The following CHODL variants were observed in gnomAD, a reference collection of about 807,000 sequenced individuals.
CHODL encodes chondrolectin.
A neutral mutation model predicts 34.5 loss-of-function variants in CHODL; 29 were observed. The observed-to-expected ratio is 0.84, with a 90% CI of 0.63 to 1.15. The LOEUF (loss-of-function observed/expected upper bound fraction) is 1.15, where lower values mean the gene tolerates loss of function less well. CHODL is among the 50% of genes most tolerant of loss of function. The pLI is 0.00. For synonymous variants in CHODL, 125 were observed against 116.1 expected (o/e 1.08, Z -0.49); for missense variants, 332 against 332.5 (o/e 1.00, Z 0.01).
At chr21:18,185,348 G>A (rs1020217102) in intron 2 of CHODL, among the ~76,000 whole-genome samples, 3 of 152,102 alleles carry the variant, frequency 2.0e-5, no homozygotes, top group Admixed American at 6.5e-5. Flanking sequence ...AAAAGGACAT[G>A]AACTCATTCT....
chr21:18,186,172 A>C (rs899739316), intron 2 of CHODL, among the ~76,000 whole-genome samples: 9 of 152,078 alleles, frequency 5.9e-5, no homozygotes, highest in African/African-American at 2.2e-4. Context: ...GACCCTACCG[A>C]CTGCAGAGGT....
chr21:18,260,807 G>C (rs2074370539), intron 4 of CHODL, among the ~76,000 whole-genome samples: 1 of 151,086 alleles, frequency 6.6e-6, no homozygotes, highest in Non-Finnish European at 1.5e-5. Flanking sequence ...GTGAGACCCT[G>C]TCTCAAAAAA....
At chr21:18,091,173 G>A (rs1345110844) in intron 2 of CHODL, among the ~76,000 whole-genome samples, 1 of 152,204 alleles carries the variant, frequency 6.6e-6, no homozygotes, top group Non-Finnish European at 1.5e-5. Flanking sequence ...CTAGCTAGAG[G>A]TAATTGCCCA....
At chr21:18,201,274 A>C (rs1387497038) in intron 2 of CHODL, among the ~76,000 whole-genome samples, 1 of 152,118 alleles carries the variant, frequency 6.6e-6, no homozygotes, top group Admixed American at 6.5e-5. Flanking sequence ...ATTGCCTAAA[A>C]ATTTTAGGGC....
intron 2 of CHODL, among the ~76,000 whole-genome samples, chr21:18,182,610 T>C (rs1264547502): frequency 1.3e-5 from 2 of 152,218 alleles, no homozygotes; most frequent in Non-Finnish European, 2.9e-5. Context: ...TTATGTCCCA[T>C]AGTTTAATAA....
chr21:17,959,135 C>T lies in CHODL; in HGVS notation c.-145+41735C>T, dbSNP rs114280893. ...GTACATAGTTCACAAAAAGTGGCCA[C>T]CAAGATGAACTATGTGCTACAAAAT... On this transcript the variant is annotated intron_variant, in intron 1 of 6. Transcript: ENST00000400127. Among the ~76,000 whole-genome samples, 420 of 152,194 alleles carry T rather than the reference C, an allele frequency of 2.8e-3. 3 individuals carry two copies. The highest frequency in any genetic ancestry group is 9.4e-3 in the African/African-American group (389 of 41,536).
intron 1 of CHODL, among the ~76,000 whole-genome samples, chr21:17,987,782 C>T (rs1395091470): frequency 2.0e-5 from 3 of 152,118 alleles, no homozygotes; most frequent in African/African-American, 7.2e-5. Context: ...AATATAACAT[C>T]ATTATATTTC....
chr21:18,188,889 T>C (rs2073477132), intron 2 of CHODL, among the ~76,000 whole-genome samples: 1 of 152,186 alleles, frequency 6.6e-6, no homozygotes, highest in African/African-American at 2.4e-5. Flanking sequence ...GATTACATAA[T>C]TGTTTTGAGA....
intron 2 of CHODL, among the ~76,000 whole-genome samples, chr21:18,038,501 G>A (rs532075349): frequency 2.6e-4 from 40 of 151,800 alleles, no homozygotes; most frequent in Middle Eastern, 3.4e-3. Flanking sequence ...AGTTAAAGTC[G>A]TTTCTGAGAT....
chr21:18,261,361 A>T (rs56030723), intron 4 of CHODL, among the ~76,000 whole-genome samples: 3,655 of 88,274 alleles, frequency 0.041, 153 homozygotes, highest in African/African-American at 0.2. Context: ...AAAGTATGAT[A>T]AAAAAAAAAA....
In CHODL at chr21:18,185,993, G is replaced by A. The variant is rs561992324; in HGVS notation, c.-44-70516G>A. On this transcript the variant is annotated intron_variant, in intron 2 of 6. Coordinates refer to the CHODL transcript ENST00000400127. ...TAGGTTTTAACATATGAATTTTGAGGGTGAGGAGGACAAGCACATTCAGAC... is the reference window on the plus strand; with the variant it reads ...TAGGTTTTAACATATGAATTTTGAGAGTGAGGAGGACAAGCACATTCAGAC... Among the ~76,000 whole-genome samples the A allele has an allele frequency of 2.7e-4, 41 of 152,192 alleles. No homozygotes were observed. The South Asian group carries it at 8.3e-3, about 31-fold the overall frequency.
intron 2 of CHODL, among the ~76,000 whole-genome samples, chr21:18,119,508 G>T (rs1210914353): frequency 6.6e-6 from 1 of 152,138 alleles, no homozygotes; most frequent in Non-Finnish European, 1.5e-5. Flanking sequence ...GTCCAGGAAT[G>T]TGCCACAAAG....
intron 2 of CHODL, among the ~76,000 whole-genome samples, chr21:18,218,481 C>A (rs1483615783): frequency 6.6e-6 from 1 of 152,098 alleles, no homozygotes; most frequent in Non-Finnish European, 1.5e-5. Flanking sequence ...GCCCACAAAA[C>A]CATTTTTTCA....
chr21:18,100,912 G>A (rs935144828), intron 2 of CHODL, among the ~76,000 whole-genome samples: 25 of 152,114 alleles, frequency 1.6e-4, no homozygotes, highest in African/African-American at 5.8e-4. Context: ...CTTCAGGCAA[G>A]TCAATGAGTA....
chr21:18,263,386 A>C (rs2146828516), intron 5 of CHODL, among the ~76,000 whole-genome samples: 1 of 152,180 alleles, frequency 6.6e-6, no homozygotes, highest in East Asian at 1.9e-4. Flanking sequence ...ATCTTTTAAG[A>C]ACAGGAAATA....
intron 2 of CHODL, among the ~76,000 whole-genome samples, chr21:18,209,327 C>G (rs1414743114): frequency 6.6e-6 from 1 of 152,148 alleles, no homozygotes; most frequent in Admixed American, 6.5e-5. Context: ...ACAGTGAGTA[C>G]TTCCTGGCTA....
chr21:17,948,649 C>T (rs1020759561), intron 1 of CHODL, among the ~76,000 whole-genome samples: 9 of 151,870 alleles, frequency 5.9e-5, no homozygotes, highest in Admixed American at 5.9e-4. Context: ...AATTGAATAA[C>T]CCTAGAAGAA....
intron 1 of CHODL, among the ~76,000 whole-genome samples, chr21:17,966,664 A>AT (rs1313906313): frequency 1.3e-5 from 2 of 152,084 alleles, no homozygotes; most frequent in Non-Finnish European, 2.9e-5. Flanking sequence ...GTCTTCCAGG[A>AT]TTTTCCCATC....
intron 2 of CHODL, among the ~76,000 whole-genome samples, chr21:18,136,115 AAAAGAAAAAG>A (rs1601052467): frequency 6.8e-6 from 1 of 146,676 alleles, no homozygotes; most frequent in East Asian, 2.0e-4. Flanking sequence ...CAAAAAAAAA[AAAAGAAAAAG>A]AAAAAAAAGA....
Sources: gnomAD v4.1 joint callset for allele counts (sites outside exome capture counted in the v4.1 genomes callset) on GRCh38, gnomAD v4.1.1 for gene constraint, MANE v1.5 for transcripts, NCBI Gene and HGNC (gene_info 2026-07-23, HGNC 2026-07-21) for gene names.